TBC1D8: variants seen among roughly 807,000 people sequenced by gnomAD.
TBC1D8 encodes TBC1 domain family member 8, also known as BUB2-like protein 1.
In TBC1D8, 65 loss-of-function variants were observed where a neutral mutation model predicts 118.8. The ratio of observed to expected loss-of-function variants is 0.55; its 90% confidence interval spans 0.45 to 0.67. TBC1D8 has a LOEUF of 0.67. Among genes scored for constraint, TBC1D8 ranks in the 30% least tolerant of loss-of-function variants. The pLI, the probability that TBC1D8 is intolerant of heterozygous loss-of-function variation, is 0.00. For synonymous variants in TBC1D8, 566 were observed against 595.8 expected (o/e 0.95, Z 0.73); for missense variants, 1,376 against 1,471.2 (o/e 0.94, Z 1.06).
In TBC1D8 at chr2:101,118,425, A is replaced by G. The variant is rs140472506; in HGVS notation, c.128-28061T>C. Among the ~76,000 whole-genome samples, 530 of 152,270 alleles carry G rather than the reference A, an allele frequency of 3.5e-3. 4 individuals are homozygous for G. The East Asian group carries it at 0.038, about 11-fold the overall frequency. On this transcript the variant is annotated intron_variant, in intron 1 of 19. Transcript: ENST00000409318. The stretch of plus-strand genomic sequence containing the variant: ...AAGACTCCACCAGGTAGCCGGGCAC[A>G]GTGGCTCATGCCTGTAATCCCAGCA...
chr2:101,145,214 C>T (rs1206910082), intron 1 of TBC1D8, among the ~76,000 whole-genome samples: 6 of 152,116 alleles, frequency 3.9e-5, no homozygotes, highest in African/African-American at 1.4e-4. Flanking sequence ...AAATACATTG[C>T]CCTTATTATG....
intron 1 of TBC1D8, among the ~76,000 whole-genome samples, chr2:101,101,029 A>C (rs946341622): frequency 6.6e-6 from 1 of 152,220 alleles, no homozygotes; most frequent in Non-Finnish European, 1.5e-5. Context: ...CTGCAACAAA[A>C]GCCAAAATTG....
In TBC1D8 at chr2:101,054,283, G is replaced by T; in HGVS notation, c.456C>A (p.Pro152=). The T allele has an allele frequency of 1.3e-6, 2 of 1,592,136 alleles. No homozygotes were observed. The highest frequency in any genetic ancestry group is 2.3e-5 in the East Asian group (1 of 43,760). The part of the protein sequence containing the change: ...SSRLAEQEEE[P]EKFREALVKF... ...TCACCAGGGCTTCTCGGAATTTCTC[G>T]GGTTCCTCCTCCTGCTCGGCGAGCC... Residue 152 remains proline (P), a synonymous_variant, in exon 4 of 20, where the codon CCC becomes CCA. Transcript: ENST00000409318.
At chr2:101,076,138 A>C (rs941565027) in intron 2 of TBC1D8, among the ~76,000 whole-genome samples, 1 of 152,198 alleles carries the variant, frequency 6.6e-6, no homozygotes, top group African/African-American at 2.4e-5. Flanking sequence ...ATTTTACCCC[A>C]TGTTTTCTAA....
intron 1 of TBC1D8, among the ~76,000 whole-genome samples, chr2:101,110,302 G>A (rs918853572): frequency 6.6e-6 from 1 of 152,176 alleles, no homozygotes; most frequent in Non-Finnish European, 1.5e-5. Flanking sequence ...GTTGGGCCTT[G>A]TGCTAACCAC....
At chr2:101,079,954 G>A (rs1456803409) in intron 2 of TBC1D8, among the ~76,000 whole-genome samples, 1 of 151,954 alleles carries the variant, frequency 6.6e-6, no homozygotes, top group African/African-American at 2.4e-5. Context: ...CCAAAGTGCT[G>A]GGATTACAGG....
chr2:101,013,512 AATAAG>A (rs1327452769), intron 17 of TBC1D8, among the ~76,000 whole-genome samples: 1 of 152,220 alleles, frequency 6.6e-6, no homozygotes, highest in African/African-American at 2.4e-5. Flanking sequence ...CCCAAGTTAA[AATAAG>A]ATAAAGGATT....
chr2:101,110,037 C>G (rs1482485871), intron 1 of TBC1D8: 9 of 984,614 alleles, frequency 9.1e-6, no homozygotes. Context: ...GAGCACAACA[C>G]TCCTATTTTT....
intron 2 of TBC1D8, 113 bp downstream of exon 2, chr2:101,090,096 A>T: frequency 8.5e-7 from 1 of 1,175,116 alleles, no homozygotes; most frequent in Non-Finnish European, 1.2e-6. Context: ...TAAGTTCCTG[A>T]AAGCAGATGA....
At chr2:101,115,676 A>G (rs1394880301) in intron 1 of TBC1D8, among the ~76,000 whole-genome samples, 1 of 152,126 alleles carries the variant, frequency 6.6e-6, no homozygotes, top group Non-Finnish European at 1.5e-5. Flanking sequence ...GCTTGAACCC[A>G]GGAGGCAGAG....
intron 17 of TBC1D8, among the ~76,000 whole-genome samples, chr2:101,011,880 CAT>C (rs1462863060): frequency 5.3e-5 from 8 of 152,268 alleles, no homozygotes; most frequent in Admixed American, 3.9e-4. Context: ...TCCATGCACA[CAT>C]AAAGTACTCT....
At chr2:101,129,510 C>G (rs1308378060) in intron 1 of TBC1D8, among the ~76,000 whole-genome samples, 1 of 152,136 alleles carries the variant, frequency 6.6e-6, no homozygotes, top group Non-Finnish European at 1.5e-5. Context: ...TCAACAGTCG[C>G]CAGCCCAGAA....
chr2:101,144,477 G>A (rs1285555526), intron 1 of TBC1D8, among the ~76,000 whole-genome samples: 1 of 152,208 alleles, frequency 6.6e-6, no homozygotes, highest in Non-Finnish European at 1.5e-5. Flanking sequence ...AAGAGCAGAA[G>A]GGGGAAGAGA....
rs565345485 is a variant in TBC1D8, at chr2:101,097,787, T to C, written c.128-7423A>G. ...AAAGGTTGAGGTGAAAAGACTGCAT[T>C]AGCCCAAGAGTTTGAGGCCACAGTG... On this transcript the variant is annotated intron_variant, in intron 1 of 19. Coordinates refer to ENST00000409318, the MANE Select transcript of TBC1D8 (RefSeq NM_001330348.2). 2.0e-5 allele frequency among the ~76,000 whole-genome samples: 3 copies of C among 152,294 alleles called. No individual in the cohort carries two copies. In the South Asian group the frequency reaches 6.2e-4, roughly 32 times the overall value.
intron 13 of TBC1D8, 45 bp downstream of exon 13, chr2:101,028,258 G>A (rs772772606): frequency 1.3e-6 from 2 of 1,589,372 alleles, no homozygotes; most frequent in Non-Finnish European, 1.7e-6. Context: ...CAATTCCCGG[G>A]GGGTTAGGGG....
In TBC1D8 at chr2:101,144,498, G is replaced by C. The variant is rs1679242919; in HGVS notation, c.127+6629C>G. ...AGAAGGGGGAAGAGAGGCAACCCAA[G>C]AGGTGGTTCAGGGGCAGCGCCTGCA... On this transcript the variant is annotated intron_variant, in intron 1 of 19. Transcript: ENST00000409318. Among the ~76,000 whole-genome samples the C allele has an allele frequency of 3.9e-5, 6 of 152,274 alleles. No individual in the cohort carries two copies. In the South Asian group the frequency reaches 1.2e-3, roughly 32 times the overall value.
At chr2:101,142,121 T>TAA (rs966637762) in intron 1 of TBC1D8, among the ~76,000 whole-genome samples, 1 of 152,150 alleles carries the variant, frequency 6.6e-6, no homozygotes, top group Admixed American at 6.5e-5. Flanking sequence ...AGGCTGGACT[T>TAA]AAACTCCTAG....
intron 11 of TBC1D8, 24 bp from the exon 12 acceptor site, chr2:101,029,800 T>A (rs749307876): frequency 6.2e-7 from 1 of 1,607,448 alleles, no homozygotes; most frequent in Non-Finnish European, 8.5e-7. Flanking sequence ...GGCACAGGGC[T>A]CTGGCTGGGG....
In TBC1D8 at chr2:101,043,000, A is replaced by G. The variant is rs370544323; in HGVS notation, c.873-2615T>C. 1.9e-3 allele frequency among the ~76,000 whole-genome samples: 286 copies of G among 152,228 alleles called. 1 individual carries two copies. The highest frequency in any genetic ancestry group is 6.1e-3 in the African/African-American group (255 of 41,538). ...TCTGGTCTCATGTCCACCATCACAC[A>G]ACTGACTTACAGGCAGCAGCCATCA... On this transcript the variant is annotated intron_variant, in intron 5 of 19. Coordinates refer to ENST00000409318, the MANE Select transcript of TBC1D8 (RefSeq NM_001330348.2).
Sources: allele counts gnomAD v4.1 joint callset (sites outside exome capture counted in the v4.1 genomes callset), GRCh38; gene constraint gnomAD v4.1.1; transcripts MANE v1.5; gene names NCBI Gene and HGNC (gene_info 2026-07-23, HGNC 2026-07-21).